CHRNA7: variants seen among roughly 807,000 people sequenced by gnomAD.
The protein encoded by CHRNA7 is neuronal acetylcholine receptor subunit alpha-7.
Under a neutral mutation model 48.0 loss-of-function variants are expected in CHRNA7, and 17 were observed. The ratio of observed to expected loss-of-function variants is 0.35; its 90% CI spans 0.24 to 0.53. CHRNA7 has a LOEUF of 0.53. CHRNA7 is among the 20% of genes least tolerant of loss of function. The pLI is 0.92. For missense variants in CHRNA7, 155 were observed against 577.7 expected (o/e 0.27, Z 7.50); for synonymous variants, 75 against 242.3 (o/e 0.31, Z 6.41).
At chr15:32,131,018 A>G (rs975066159) in intron 4 of CHRNA7, among the ~76,000 whole-genome samples, 5 of 152,126 alleles carry the variant, frequency 3.3e-5, no homozygotes, top group South Asian at 2.1e-4. Context: ...GTTACTGTTG[A>G]AAATTCTGCT....
chr15:32,105,491 G>T (rs12916188), intron 3 of CHRNA7, among the ~76,000 whole-genome samples: 1 of 149,880 alleles, frequency 6.7e-6, no homozygotes, highest in East Asian at 2.0e-4. Context: ...GAAAGGAGGA[G>T]GAGAGGAGGA....
rs2051551667 is a variant in CHRNA7 at position 32,148,858 on chromosome 15, C to T, written c.351-5049C>T. 1.3e-5 allele frequency among the ~76,000 whole-genome samples: 2 copies of T among 152,248 alleles called. 1 individual carries two copies. The highest frequency in any genetic ancestry group is 4.1e-4 in the South Asian group (2 of 4,834). Reference sequence around the variant, plus strand: ...CAAGTGTGTGATCCCACCATGCCCTCCGCCAGGGGCCTGTCCACATCCGTT... The same window carrying T: ...CAAGTGTGTGATCCCACCATGCCCTTCGCCAGGGGCCTGTCCACATCCGTT... On this transcript the variant is annotated intron_variant, in intron 4 of 9. Transcript: ENST00000306901.
intron 4 of CHRNA7, among the ~76,000 whole-genome samples, chr15:32,151,527 TC>T (rs1161003446): frequency 2.0e-5 from 3 of 152,074 alleles, no homozygotes; most frequent in Non-Finnish European, 4.4e-5. Context: ...CTTAATTTTT[TC>T]CCTCCCACTC....
chr15:32,141,078 C>A (rs1163274846), intron 4 of CHRNA7, among the ~76,000 whole-genome samples: 2 of 151,992 alleles, frequency 1.3e-5, no homozygotes, highest in Non-Finnish European at 2.9e-5. Flanking sequence ...GTCTTTAATC[C>A]ATCTTGAGTT....
chr15:32,094,375 C>A (rs932295380), intron 2 of CHRNA7, among the ~76,000 whole-genome samples: 1 of 152,178 alleles, frequency 6.6e-6, no homozygotes, highest in African/African-American at 2.4e-5. Context: ...ACCAAACCAA[C>A]CAGGTTTCAA....
intron 4 of CHRNA7, among the ~76,000 whole-genome samples, chr15:32,130,405 G>A (rs1425915246): frequency 6.6e-6 from 1 of 151,530 alleles, no homozygotes; most frequent in Non-Finnish European, 1.5e-5. Context: ...GGTAGACTGA[G>A]CTTTTATCAT....
At chr15:32,127,340 G>A (rs952688843) in intron 4 of CHRNA7, among the ~76,000 whole-genome samples, 3 of 152,116 alleles carry the variant, frequency 2.0e-5, no homozygotes, top group South Asian at 2.1e-4. Context: ...ACATAAGCAC[G>A]CAATTGTTAG....
At chr15:32,115,913 C>T (rs1455893447) in intron 4 of CHRNA7, among the ~76,000 whole-genome samples, 1 of 152,106 alleles carries the variant, frequency 6.6e-6, no homozygotes, top group Non-Finnish European at 1.5e-5. Context: ...ATGTAGGCAA[C>T]CTAGAAAACA....
intron 2 of CHRNA7, among the ~76,000 whole-genome samples, chr15:32,035,622 G>A (rs1276683740): frequency 6.6e-6 from 1 of 152,138 alleles, no homozygotes; most frequent in African/African-American, 2.4e-5. Context: ...GGCCCTCTGT[G>A]TAGGTTTGCA....
At chr15:32,081,104 G>A (rs190905507) in intron 2 of CHRNA7, among the ~76,000 whole-genome samples, 1 of 152,276 alleles carries the variant, frequency 6.6e-6, no homozygotes, top group Non-Finnish European at 1.5e-5. Context: ...TGGACATGGG[G>A]TAAAGCAGGG....
chr15:32,052,937 G>A (rs967764209), intron 2 of CHRNA7, among the ~76,000 whole-genome samples: 2 of 152,048 alleles, frequency 1.3e-5, no homozygotes, highest in African/African-American at 2.4e-5. Flanking sequence ...CGATGATACT[G>A]ATTTCATCAT....
At chr15:32,147,452 C>G (rs947650542) in intron 4 of CHRNA7, among the ~76,000 whole-genome samples, 1 of 152,184 alleles carries the variant, frequency 6.6e-6, no homozygotes, top group African/African-American at 2.4e-5. Context: ...TGCCAGGAGG[C>G]TGAGGAAGGC....
intron 4 of CHRNA7, among the ~76,000 whole-genome samples, chr15:32,145,088 A>G (rs1280334898): frequency 2.0e-5 from 3 of 152,056 alleles, no homozygotes; most frequent in South Asian, 2.1e-4. Context: ...TGACCTACAG[A>G]TGGGGTTTTG....
rs775142530 is a variant in CHRNA7 at position 32,170,258 on chromosome 15, GGTGT to G, written c.*1813_*1816del. ...GGAAGATGGAAGCTTGCGTGTGTGCGGTGTGTGTGTGTGTGTAAGTGTGAGGTAC... is the reference window on the plus strand; with the variant it reads ...GGAAGATGGAAGCTTGCGTGTGTGCGGTGTGTGTGTGTAAGTGTGAGGTAC... On this transcript the variant is annotated 3_prime_UTR_variant, in exon 10 of 10. Transcript: ENST00000306901. The G allele has an allele frequency of 6.0e-4, 71 of 117,726 alleles. No individual in the cohort carries two copies. The South Asian group carries it at 7.4e-3, about 12-fold the overall frequency. 7.3% of individuals were successfully genotyped at this position (117,726 alleles called of 1,614,324 possible).
At chr15:32,049,775 C>T (rs191850854) in intron 2 of CHRNA7, among the ~76,000 whole-genome samples, 2,009 of 152,208 alleles carry the variant, frequency 0.013, 40 homozygotes, top group African/African-American at 0.046. Flanking sequence ...GATTTTGCAG[C>T]AGCTAGTACC....
intron 4 of CHRNA7, among the ~76,000 whole-genome samples, chr15:32,130,013 T>C (rs2051129329): frequency 6.6e-6 from 1 of 152,078 alleles, no homozygotes; most frequent in African/African-American, 2.4e-5. Flanking sequence ...GATTTTCTTG[T>C]CATCTTAATG....
rs1190545182 is a variant in CHRNA7, at chr15:32,111,891, C to A, written c.342C>A (p.Leu114=). 12 of 1,587,964 alleles carry A rather than the reference C, an allele frequency of 7.6e-6. No homozygotes were observed. Among genetic ancestry groups the A allele is most frequent in the Non-Finnish European group, 1.0e-5 (12 of 1,156,280 alleles). Residue 114 remains leucine (L), a synonymous_variant, in exon 4 of 10, where the codon CTC becomes CTA. Coordinates refer to ENST00000306901, the MANE Select transcript of CHRNA7 (RefSeq NM_000746.6). ...AGATTTGGAAACCAGACATTCTTCTCTATAACAGGTAAGCATATTGAACAA... is the reference window on the plus strand; with the variant it reads ...AGATTTGGAAACCAGACATTCTTCTATATAACAGGTAAGCATATTGAACAA... ...DGQIWKPDIL[L]YNSADERFDA...
At chr15:32,084,208 A>C (rs1226232604) in intron 2 of CHRNA7, among the ~76,000 whole-genome samples, 1 of 152,252 alleles carries the variant, frequency 6.6e-6, no homozygotes, top group Non-Finnish European at 1.5e-5. Flanking sequence ...CTGCAAGTTT[A>C]ATCAGATTCT....
At chr15:32,034,145 A>T (rs1036350191) in intron 2 of CHRNA7, among the ~76,000 whole-genome samples, 1 of 152,236 alleles carries the variant, frequency 6.6e-6, no homozygotes, top group Non-Finnish European at 1.5e-5. Flanking sequence ...CATTGTGTTC[A>T]ACTAGAGCAG....
Sources: allele counts gnomAD v4.1 joint callset (sites outside exome capture counted in the v4.1 genomes callset), GRCh38; gene constraint gnomAD v4.1.1; transcripts MANE v1.5; gene names NCBI Gene and HGNC (gene_info 2026-07-23, HGNC 2026-07-21).